The following SGSM3 variants were observed in gnomAD, a reference collection of about 807,000 sequenced individuals.
SGSM3 encodes the protein small G protein signaling modulator 3.
In SGSM3, 96 loss-of-function variants were observed where a neutral mutation model predicts 100.5. The observed-to-expected ratio is 0.96, with a 90% CI of 0.81 to 1.13. SGSM3 has a LOEUF of 1.13. Ranked by LOEUF, SGSM3 falls within the 50% of genes most tolerant of loss-of-function variation. SGSM3 has a pLI of 0.00. For missense variants in SGSM3, 1,001 were observed against 1,015.8 expected (o/e 0.99, Z 0.20); for synonymous variants, 483 against 422.8 (o/e 1.14, Z -1.75).
intron 1 of SGSM3, among the ~76,000 whole-genome samples, chr22:40,378,622 A>G (rs2047046122): frequency 6.6e-6 from 1 of 151,598 alleles, no homozygotes; most frequent in Non-Finnish European, 1.5e-5. Context: ...AATCCCATCT[A>G]CCAGGAAGCT....
chr22:40,377,924 A>G (rs2146770733), intron 1 of SGSM3, among the ~76,000 whole-genome samples: 1 of 152,266 alleles, frequency 6.6e-6, no homozygotes, highest in East Asian at 1.9e-4. Context: ...AGATGTGGGT[A>G]TCTTCAAATG....
chr22:40,401,649 C>T lies in SGSM3; in HGVS notation c.64C>T (p.Gln22Ter). ...FSALTPSIWP[Q>*]EILAKYTQKE... ...AGCCCTGACTCCGAGCATATGGCCC[C>T]AGGAGATCTTGGCCAAGTACACGCA... Residue 22 changes from glutamine (Q) to a stop codon, truncating the protein, a stop_gained, in exon 3 of 22, where the codon CAG becomes TAG. Coordinates refer to ENST00000248929, the MANE Select transcript of SGSM3 (RefSeq NM_015705.6). LOFTEE classifies it high-confidence loss of function. The T allele has an allele frequency of 1.2e-6, 2 of 1,613,402 alleles. No individual in the cohort carries two copies. Among genetic ancestry groups the T allele is most frequent in the Non-Finnish European group, 1.7e-6 (2 of 1,179,522 alleles).
rs1252278654 is a variant in SGSM3, at chr22:40,408,411, CT to C, written c.1765del (p.Trp589GlyfsTer38). On this transcript the variant is annotated frameshift_variant, in exon 16 of 22. Transcript: ENST00000248929. LOFTEE classifies it high-confidence loss of function. Reference protein sequence around the residue: ...PSLLGGACHPWLFIEEAAGRE... With the variant: ...PSLLGGACHPXLFIEEAAGRE... ...CCCTGCTTGGGGGCGCCTGCCACCC[CT>C]GGCTGTTTATCGAGGAGGTAAGTCA... 2 of 1,613,540 alleles carry C rather than the reference CT, an allele frequency of 1.2e-6. No homozygotes were observed. The highest frequency in any genetic ancestry group is 1.7e-6 in the Non-Finnish European group (2 of 1,179,990).
At chr22:40,377,221 C>T (rs1261140376) in intron 1 of SGSM3, among the ~76,000 whole-genome samples, 1 of 152,204 alleles carries the variant, frequency 6.6e-6, no homozygotes, top group Non-Finnish European at 1.5e-5. Flanking sequence ...GCACATGGCC[C>T]AGGTCAGGCC....
intron 1 of SGSM3, among the ~76,000 whole-genome samples, chr22:40,395,945 C>T (rs1040317279): frequency 2.0e-5 from 3 of 152,160 alleles, no homozygotes; most frequent in Admixed American, 6.5e-5. Flanking sequence ...TATTTGCCCA[C>T]GTAGCAGCCA....
chr22:40,376,042 G>A (rs2046499263), intron 1 of SGSM3, among the ~76,000 whole-genome samples: 1 of 151,130 alleles, frequency 6.6e-6, no homozygotes, highest in Non-Finnish European at 1.5e-5. Context: ...GGGAGACCCT[G>A]TCTCAAAAAA....
intron 1 of SGSM3, among the ~76,000 whole-genome samples, chr22:40,398,246 C>T (rs1438940146): frequency 1.3e-5 from 2 of 150,806 alleles, no homozygotes; most frequent in Admixed American, 6.7e-5. Flanking sequence ...GGATTACAGG[C>T]GTGAGCCACC....
intron 1 of SGSM3, among the ~76,000 whole-genome samples, chr22:40,384,652 C>T (rs1005416892): frequency 6.6e-6 from 1 of 152,008 alleles, no homozygotes; most frequent in South Asian, 2.1e-4. Flanking sequence ...TGGTGGCGGG[C>T]GCCTGTAGTC....
chr22:40,405,865 T>C, intron 8 of SGSM3, 21 bp downstream of exon 8: 2 of 1,597,384 alleles, frequency 1.3e-6, no homozygotes, highest in Non-Finnish European at 1.7e-6. Flanking sequence ...CCTGAGCCAC[T>C]GGCTCCCATT....
chr22:40,409,765 T>C lies in SGSM3; in HGVS notation c.*6T>C, dbSNP rs1313732025. On this transcript the variant is annotated 3_prime_UTR_variant, in exon 22 of 22. Transcript: ENST00000248929. ...GCTGGGATGTGGACGGGTGACCCCC[T>C]CCTCCCCAGCCCAACCTCGGGCCTG... 6.2e-7 allele frequency: 1 copy of C among 1,604,230 alleles called. No individual in the cohort carries two copies. Among genetic ancestry groups the C allele is most frequent in the East Asian group, 2.2e-5 (1 of 44,800 alleles).
chr22:40,383,423 C>T (rs1040814145), intron 1 of SGSM3, among the ~76,000 whole-genome samples: 20 of 149,624 alleles, frequency 1.3e-4, no homozygotes, highest in Non-Finnish European at 1.9e-4. Flanking sequence ...GCCGAGATCA[C>T]GCCACTGCAC....
At chr22:40,398,766 C>T (rs2050365532) in intron 1 of SGSM3, among the ~76,000 whole-genome samples, 1 of 141,272 alleles carries the variant, frequency 7.1e-6, no homozygotes, top group Admixed American at 8.2e-5. Context: ...TTGCCTGATA[C>T]TTATTGAGTA....
intron 1 of SGSM3, among the ~76,000 whole-genome samples, chr22:40,392,693 T>C (rs1422972229): frequency 6.6e-6 from 1 of 152,244 alleles, no homozygotes; most frequent in East Asian, 1.9e-4. Context: ...ATAATTCATA[T>C]ACCATAAAAT....
intron 1 of SGSM3, among the ~76,000 whole-genome samples, chr22:40,372,116 C>A (rs908468545): frequency 2.5e-5 from 3 of 118,376 alleles, no homozygotes; most frequent in East Asian, 5.2e-4. Context: ...TCCCTGTCCC[C>A]CCCCCCTTTT....
intron 1 of SGSM3, among the ~76,000 whole-genome samples, chr22:40,400,430 G>A (rs1200230088): frequency 6.6e-6 from 1 of 152,044 alleles, no homozygotes; most frequent in South Asian, 2.1e-4. Flanking sequence ...GGATCACGAG[G>A]TCAGGAGTTC....
At chr22:40,374,467 C>T (rs1569125887) in intron 1 of SGSM3, among the ~76,000 whole-genome samples, 1 of 152,224 alleles carries the variant, frequency 6.6e-6, no homozygotes, top group Non-Finnish European at 1.5e-5. Flanking sequence ...GATCTGGTAA[C>T]TGAGCTACAA....
intron 2 of SGSM3, 26 bp downstream of exon 2, chr22:40,400,839 A>G (rs1420883639): frequency 2.6e-6 from 4 of 1,527,588 alleles, no homozygotes; most frequent in Non-Finnish European, 3.5e-6. Context: ...GGACTTGGAA[A>G]CGGGGTTTGA....
At chr22:40,380,264 T>C (rs2047340185) in intron 1 of SGSM3, among the ~76,000 whole-genome samples, 1 of 152,212 alleles carries the variant, frequency 6.6e-6, no homozygotes. Context: ...TACACTTATC[T>C]GCACCACCCA....
rs761260807 is a variant in SGSM3, at chr22:40,406,095, C to G, written c.832C>G (p.Leu278Val). Residue 278 changes from leucine (L) to valine (V), a missense_variant, in exon 9 of 22, where the codon CTG (leucine) becomes GTG (valine). Leu to Val is a conservative substitution (Grantham distance 32). Transcript: ENST00000248929. The stretch of plus-strand genomic sequence containing the variant: ...GTTTACAGAGCTGTCCCTGATCACA[C>G]TGCACTGGTTCCTCACGGCCTTCGC... ...EHDIELSLITLHWFLTAFASV... is the reference protein window; with the variant it reads ...EHDIELSLITVHWFLTAFASV... 62 of 1,613,916 alleles carry G rather than the reference C, an allele frequency of 3.8e-5. 1 individual carries two copies. The highest frequency in any genetic ancestry group is 3.0e-4 in the South Asian group (27 of 91,088).
Sources: gnomAD v4.1 joint callset for allele counts (sites outside exome capture counted in the v4.1 genomes callset) on GRCh38, gnomAD v4.1.1 for gene constraint, MANE v1.5 for transcripts, NCBI Gene and HGNC (gene_info 2026-07-23, HGNC 2026-07-21) for gene names.